Variants in TCAF1 observed in about 807,000 individuals in gnomAD.
The protein encoded by TCAF1 is TRPM8 channel associated factor 1.
Under a neutral mutation model 27.3 loss-of-function variants are expected in TCAF1, and 4 were observed. The ratio of observed to expected loss-of-function variants is 0.15; its 90% CI spans 0.07 to 0.34. The LOEUF is 0.34. Ranked by LOEUF, TCAF1 falls within the 10% of genes least tolerant of loss-of-function variation. TCAF1 has a pLI of 1.00. For synonymous variants in TCAF1, 105 were observed against 167.1 expected, an observed-to-expected ratio of 0.63 and a Z score of 2.87; for missense variants, 257 against 425.8, an observed-to-expected ratio of 0.60 and a Z score of 3.49.
At position 143,885,269 on chromosome 7, in the gene TCAF1, T is replaced by C; in HGVS notation, c.-14-8647A>G. ...TGGAGTGGGGAGTCTTCCACAGAGATGTGGGAAGGCGCTGGGGCAGACGCC... is the reference window on the plus strand; with the variant it reads ...TGGAGTGGGGAGTCTTCCACAGAGACGTGGGAAGGCGCTGGGGCAGACGCC... On this transcript the variant is annotated intron_variant, in intron 1 of 8. Coordinates refer to ENST00000479870, the MANE Select transcript of TCAF1 (RefSeq NM_014719.3). The C allele has an allele frequency of 5.1e-6, 5 of 985,140 alleles. No individual in the cohort carries two copies. In the South Asian group the frequency reaches 2.4e-4, roughly 46 times the overall value. The allele number at this position is 985,140 out of a possible 1,614,324, so 61.0% of individuals were successfully genotyped here.
chr7:143,895,485 T>C (rs1056401719), intron 1 of TCAF1, among the ~76,000 whole-genome samples: 34 of 151,798 alleles, frequency 2.2e-4, no homozygotes, highest in African/African-American at 8.2e-4. Flanking sequence ...TAGTGGTTAT[T>C]TTTGAGAGTG....
At chr7:143,887,590 C>T (rs763057167) in intron 1 of TCAF1, among the ~76,000 whole-genome samples, 2 of 152,134 alleles carry the variant, frequency 1.3e-5, no homozygotes, top group Non-Finnish European at 2.9e-5. Context: ...CTGAAGGACA[C>T]GTACTGGAAT....
intron 1 of TCAF1, chr7:143,886,665 C>G (rs1210084104): frequency 1.7e-5 from 4 of 241,330 alleles, no homozygotes; most frequent in African/African-American, 2.4e-5. Context: ...TTTTCTCCTT[C>G]CTTCATGCTC....
At chr7:143,860,006 AT>A (rs1811902362) in intron 6 of TCAF1, among the ~76,000 whole-genome samples, 2 of 27,378 alleles carry the variant, frequency 7.3e-5, no homozygotes, top group Non-Finnish European at 7.2e-5. Flanking sequence ...TATATAATAT[AT>A]ATATAATATA....
intron 1 of TCAF1, among the ~76,000 whole-genome samples, chr7:143,878,027 T>C (rs1293281354): frequency 2.0e-5 from 3 of 152,240 alleles, no homozygotes; most frequent in South Asian, 4.1e-4. Context: ...TCAGCTCTGT[T>C]GCTTAACAAT....
At chr7:143,876,774 T>C (rs1812742441) in intron 1 of TCAF1, among the ~76,000 whole-genome samples, 152 bp from the exon 2 acceptor site, 1 of 152,222 alleles carries the variant, frequency 6.6e-6, no homozygotes, top group Non-Finnish European at 1.5e-5. Context: ...GGTGTTAGTG[T>C]CTGAAGTCCA....
At chr7:143,899,333 A>G (rs1180935276) in intron 1 of TCAF1, among the ~76,000 whole-genome samples, 2 of 152,236 alleles carry the variant, frequency 1.3e-5, no homozygotes, top group African/African-American at 4.8e-5. Context: ...TATAGTGGTT[A>G]AAAATTATTT....
At chr7:143,882,711 C>T in intron 1 of TCAF1, 3 of 985,528 alleles carry the variant, frequency 3.0e-6, no homozygotes, top group Non-Finnish European at 3.6e-6. Context: ...TCCAGCCTGC[C>T]AGGCTTTTGG....
chr7:143,881,313 A>T (rs1335427209), intron 1 of TCAF1, among the ~76,000 whole-genome samples: 1 of 152,186 alleles, frequency 6.6e-6, no homozygotes, highest in Non-Finnish European at 1.5e-5. Context: ...TAAACCCAGG[A>T]TCATTTTTTC....
intron 1 of TCAF1, among the ~76,000 whole-genome samples, chr7:143,884,822 T>G (rs1250554620): frequency 6.6e-6 from 1 of 152,148 alleles, no homozygotes; most frequent in Non-Finnish European, 1.5e-5. Flanking sequence ...TCTGTCATAT[T>G]ATCTCCTGCG....
intron 1 of TCAF1, among the ~76,000 whole-genome samples, chr7:143,881,547 A>C (rs1022412158): frequency 1.3e-5 from 2 of 152,136 alleles, no homozygotes; most frequent in African/African-American, 4.8e-5. Context: ...TGTTTAATTC[A>C]TACACCTGTA....
intron 1 of TCAF1, among the ~76,000 whole-genome samples, chr7:143,898,084 T>G (rs555354621): frequency 6.6e-6 from 1 of 152,184 alleles, no homozygotes; most frequent in African/African-American, 2.4e-5. Flanking sequence ...TACTATGTTG[T>G]TAATATAGTT....
chr7:143,886,373 A>G, intron 1 of TCAF1: 2 of 292,732 alleles, frequency 6.8e-6, no homozygotes, highest in Non-Finnish European at 1.0e-5. Flanking sequence ...CTTCCAGGGG[A>G]AGGTGGCTTC....
At position 143,876,628 on chromosome 7, in the gene TCAF1, G is replaced by T; in HGVS notation, c.-14-6C>A. 6.7e-7 allele frequency: 1 copy of T among 1,483,804 alleles called. No individual in the cohort carries two copies. The highest frequency in any genetic ancestry group is 1.6e-5 in the South Asian group (1 of 63,380). The allele number at this position is 1,483,804 out of a possible 1,614,324, so 91.9% of individuals were successfully genotyped here. On this transcript the variant is annotated splice_region_variant and splice_polypyrimidine_tract_variant and intron_variant, in intron 1 of 8. Coordinates refer to ENST00000479870, the MANE Select transcript of TCAF1 (RefSeq NM_014719.3). ...CGCCATGGCTCTATTGGTTTCTGCA[G>T]AGAAGAAAGCAAAGGCTCAGCTTAG...
intron 1 of TCAF1, among the ~76,000 whole-genome samples, chr7:143,899,450 C>T (rs143292357): frequency 2.2e-3 from 341 of 152,286 alleles, no homozygotes; most frequent in Non-Finnish European, 2.8e-3. Context: ...GCTGGGGCAA[C>T]AGATTATCCA....
At chr7:143,894,822 A>G (rs1296405292) in intron 1 of TCAF1, among the ~76,000 whole-genome samples, 3 of 151,762 alleles carry the variant, frequency 2.0e-5, no homozygotes, top group African/African-American at 7.2e-5. Flanking sequence ...TCGCTGATAC[A>G]AGAAAAAATA....
intron 5 of TCAF1, among the ~76,000 whole-genome samples, chr7:143,860,736 A>C (rs1811999554): frequency 3.4e-5 from 5 of 146,672 alleles, no homozygotes; most frequent in African/African-American, 5.1e-5. Context: ...CCCGCTACCC[A>C]CCCCACTGAC....
chr7:143,894,885 AG>A (rs1206397147), intron 1 of TCAF1, among the ~76,000 whole-genome samples: 2 of 151,912 alleles, frequency 1.3e-5, no homozygotes, highest in African/African-American at 4.8e-5. Flanking sequence ...AATTAAAAAA[AG>A]AAACCACCCC....
At chr7:143,878,708 C>T (rs1812854774) in intron 1 of TCAF1, among the ~76,000 whole-genome samples, 1 of 152,190 alleles carries the variant, frequency 6.6e-6, no homozygotes, top group South Asian at 2.1e-4. Context: ...CTCTTCCCTG[C>T]TCCTCCTGAT....
Sources: allele counts gnomAD v4.1 joint callset (sites outside exome capture counted in the v4.1 genomes callset), GRCh38; gene constraint gnomAD v4.1.1; transcripts MANE v1.5; gene names NCBI Gene and HGNC (gene_info 2026-07-23, HGNC 2026-07-21).